VAMP8: variants seen among roughly 807,000 people sequenced by gnomAD.
VAMP8 encodes vesicle associated membrane protein 8.
A neutral mutation model predicts 11.4 loss-of-function variants in VAMP8; 9 were observed. The ratio of observed to expected loss-of-function variants is 0.79; its 90% CI spans 0.48 to 1.38. The LOEUF (loss-of-function observed/expected upper bound fraction) is 1.38, where lower values mean the gene tolerates loss of function less well. Among genes scored for constraint, VAMP8 ranks in the 40% most tolerant of loss-of-function variants. The pLI is 0.00. For synonymous variants in VAMP8, 42 were observed against 44.7 expected, an observed-to-expected ratio of 0.94 and a Z score of 0.24; for missense variants, 108 against 127.8, an observed-to-expected ratio of 0.85 and a Z score of 0.75.
chr2:85,579,408 T>C (rs960213333), intron 2 of VAMP8, among the ~76,000 whole-genome samples: 2 of 152,200 alleles, frequency 1.3e-5, no homozygotes, highest in African/African-American at 2.4e-5. Flanking sequence ...CATAGAGGCA[T>C]GTTCTGAGAC....
rs1348818 is a variant in VAMP8, at chr2:85,579,959, T to G, written c.162+792T>G. The G allele has an allele frequency of 1.7e-5, 16 of 954,922 alleles. No individual in the cohort carries two copies. In the South Asian group the frequency reaches 4.4e-4, roughly 26 times the overall value. The allele number at this position is 954,922 out of a possible 1,614,324, so 59.2% of individuals were successfully genotyped here. A position where few individuals can be genotyped will look rare whatever the true frequency, so the allele number is the denominator to read the frequency against. ...AATTTGGGGAGCATGGCCCCGGGAA[T>G]TTTTTTTTTTTTTTTAGACAGAGCC... is the stretch of plus-strand genomic sequence containing the variant. On this transcript the variant is annotated intron_variant, in intron 2 of 2. Coordinates refer to ENST00000263864, the MANE Select transcript of VAMP8 (RefSeq NM_003761.5).
Position 85,579,958 on chromosome 2 carries a change from ATT to A in VAMP8, c.162+806_162+807del, listed in dbSNP as rs373965843. The A allele has an allele frequency of 5.0e-3, 5,762 of 1,154,206 alleles. 7 individuals carry two copies. The highest frequency in any genetic ancestry group is 8.2e-3 in the Admixed American group (253 of 30,850). The allele number at this position is 1,154,206 out of a possible 1,614,324, so 71.5% of individuals were successfully genotyped here. A position where few individuals can be genotyped will look rare whatever the true frequency, so the allele number is the denominator to read the frequency against. ...TAATTTGGGGAGCATGGCCCCGGGAATTTTTTTTTTTTTTTTAGACAGAGCCT... is the reference window on the plus strand; with the variant it reads ...TAATTTGGGGAGCATGGCCCCGGGAATTTTTTTTTTTTTTAGACAGAGCCT... On this transcript the variant is annotated intron_variant, in intron 2 of 2. Transcript: ENST00000263864.
chr2:85,579,634 A>AG (rs781005192), intron 2 of VAMP8: 156 of 1,455,016 alleles, frequency 1.1e-4, no homozygotes, highest in Non-Finnish European at 1.3e-4. Context: ...TTTAAAAAGA[A>AG]GGGGGAAAGA....
At position 85,582,028 on chromosome 2, in the gene VAMP8, C is replaced by A. The variant is rs1672387403; in HGVS notation, c.*312C>A. ...TGGGTAATAAAGACCTTTCAGTATC[C>A]CTATATGTGTGAGGCACTTTCTCTC... On this transcript the variant is annotated 3_prime_UTR_variant, in exon 3 of 3. Coordinates refer to ENST00000263864, the MANE Select transcript of VAMP8 (RefSeq NM_003761.5). The A allele has an allele frequency of 7.1e-6, 2 of 282,350 alleles. No individual in the cohort carries two copies. Among genetic ancestry groups the A allele is most frequent in the Non-Finnish European group, 1.3e-5 (2 of 151,062 alleles). 17.5% of individuals were successfully genotyped at this position (282,350 alleles called of 1,614,324 possible).
chr2:85,579,290 G>A, intron 2 of VAMP8, 123 bp downstream of exon 2: 1 of 1,155,200 alleles, frequency 8.7e-7, no homozygotes, highest in South Asian at 1.6e-5. Flanking sequence ...ACCTGGTTTG[G>A]GAGCTGATGT....
chr2:85,579,345 TATGGATCCCAGGGA>T (rs966820699), intron 2 of VAMP8, among the ~76,000 whole-genome samples, 178 bp downstream of exon 2: 1 of 152,212 alleles, frequency 6.6e-6, no homozygotes, highest in African/African-American at 2.4e-5. Context: ...CACAGATTGT[TATGGATCCCAGGGA>T]ATGGATCCCA....
rs1672384316 is a variant in VAMP8, at chr2:85,581,831, T to C, written c.*115T>C. 7.0e-7 allele frequency: 1 copy of C among 1,421,044 alleles called. No individual in the cohort carries two copies. Among genetic ancestry groups the C allele is most frequent in the South Asian group, 1.3e-5 (1 of 75,874 alleles). 88.0% of individuals were successfully genotyped at this position (1,421,044 alleles called of 1,614,324 possible). A position where few individuals can be genotyped will look rare whatever the true frequency, so the allele number is the denominator to read the frequency against. The stretch of plus-strand genomic sequence containing the variant: ...TACAGAGAATGCTGCTCGGTCCTCC[T>C]ACCCCTCTTCCCGAGGCCCTGCTGC... On this transcript the variant is annotated 3_prime_UTR_variant, in exon 3 of 3. Coordinates refer to ENST00000263864, the MANE Select transcript of VAMP8 (RefSeq NM_003761.5).
At chr2:85,578,986 A>T in intron 1 of VAMP8, 23 bp from the exon 2 acceptor site, 1 of 1,590,504 alleles carries the variant, frequency 6.3e-7, no homozygotes, top group Non-Finnish European at 8.6e-7. Context: ...ACTTGGTCTA[A>T]TTAACCCCGT....
intron 2 of VAMP8, 140 bp downstream of exon 2, chr2:85,579,307 A>C (rs1048666595): frequency 5.3e-6 from 5 of 951,376 alleles, no homozygotes; most frequent in Non-Finnish European, 6.1e-6. Flanking sequence ...ATGTGAGCTG[A>C]GTCTCCACTT....
At chr2:85,578,432 C>A (rs928653212) in intron 1 of VAMP8, among the ~76,000 whole-genome samples, 1 of 152,182 alleles carries the variant, frequency 6.6e-6, no homozygotes, top group African/African-American at 2.4e-5. Context: ...GTGTGTGGCT[C>A]AACGGCTCCA....
Position 85,581,865 on chromosome 2 carries a change from A to C in VAMP8, c.*149A>C. 9.4e-7 allele frequency: 1 copy of C among 1,065,476 alleles called. No homozygotes were observed. Among genetic ancestry groups the C allele is most frequent in the Non-Finnish European group, 1.4e-6 (1 of 733,542 alleles). The allele number at this position is 1,065,476 out of a possible 1,614,324, so 66.0% of individuals were successfully genotyped here. ...TCCCGAGGCCCTGCTGCCATGTTGT[A>C]TGCCCCAGAAGGTACCTTGGTCCCC... On this transcript the variant is annotated 3_prime_UTR_variant, in exon 3 of 3. Transcript: ENST00000263864.
chr2:85,578,678 C>T (rs968365671), intron 1 of VAMP8, among the ~76,000 whole-genome samples: 4 of 152,080 alleles, frequency 2.6e-5, no homozygotes, highest in African/African-American at 7.2e-5. Context: ...TTGTGAGATG[C>T]TGGCCCTGCT....
At chr2:85,579,634 AG>A (rs781005192) in intron 2 of VAMP8, 2 of 1,455,136 alleles carry the variant, frequency 1.4e-6, no homozygotes, top group Non-Finnish European at 1.8e-6. Flanking sequence ...TTTAAAAAGA[AG>A]GGGGAAAGAG....
intron 2 of VAMP8, among the ~76,000 whole-genome samples, chr2:85,579,538 TG>T (rs1672334566): frequency 6.6e-6 from 1 of 152,180 alleles, no homozygotes; most frequent in Non-Finnish European, 1.5e-5. Flanking sequence ...ATATTGGCTC[TG>T]AGGAAACCCC....
chr2:85,580,607 C>G (rs1028156405), intron 2 of VAMP8, among the ~76,000 whole-genome samples: 1 of 151,670 alleles, frequency 6.6e-6, no homozygotes, highest in African/African-American at 2.4e-5. Context: ...AATTTCAACC[C>G]GGCCTTCCAG....
At chr2:85,577,715 G>A in intron 1 of VAMP8, 66 bp downstream of exon 1, 2 of 1,550,676 alleles carry the variant, frequency 1.3e-6, no homozygotes, top group African/African-American at 2.7e-5. Flanking sequence ...TGGGACTGGG[G>A]GTTGGCTGTG....
intron 1 of VAMP8, 53 bp downstream of exon 1, chr2:85,577,702 G>A (rs1672304029): frequency 6.4e-7 from 1 of 1,551,382 alleles, no homozygotes; most frequent in Non-Finnish European, 8.7e-7. Flanking sequence ...GCCAGAGGGG[G>A]CTTGGGACTG....
chr2:85,581,744 T>C lies in VAMP8; in HGVS notation c.*28T>C, dbSNP rs748826364. The C allele has an allele frequency of 1.9e-6, 3 of 1,613,586 alleles. No individual in the cohort carries two copies. Among genetic ancestry groups the C allele is most frequent in the Non-Finnish European group, 2.5e-6 (3 of 1,179,714 alleles). On this transcript the variant is annotated 3_prime_UTR_variant, in exon 3 of 3. Coordinates refer to ENST00000263864, the MANE Select transcript of VAMP8 (RefSeq NM_003761.5). ...AACAGGGAACCTCTCCCACCTGCCC[T>C]TCTCTTCAGGGACAACCCTCCATAA... is the stretch of plus-strand genomic sequence containing the variant.
intron 2 of VAMP8, among the ~76,000 whole-genome samples, chr2:85,580,659 A>AT (rs372301674): frequency 0.028 from 2,949 of 104,334 alleles, 106 homozygotes; most frequent in East Asian, 0.048. Flanking sequence ...CAGATACAGC[A>AT]TTTTTTTTTT....
Sources: allele counts gnomAD v4.1 joint callset (sites outside exome capture counted in the v4.1 genomes callset), GRCh38; gene constraint gnomAD v4.1.1; transcripts MANE v1.5; gene names NCBI Gene and HGNC (gene_info 2026-07-23, HGNC 2026-07-21).